Variants in VWA5B1 observed in about 807,000 individuals in gnomAD.
VWA5B1 encodes the protein von Willebrand factor A domain containing 5B1.
Under a neutral mutation model 118.2 loss-of-function variants are expected in VWA5B1, and 115 were observed. The observed-to-expected ratio is 0.97, with a 90% CI of 0.84 to 1.14. The LOEUF (loss-of-function observed/expected upper bound fraction) is 1.14, where lower values mean the gene tolerates loss of function less well. Ranked by LOEUF, VWA5B1 falls within the 50% of genes most tolerant of loss-of-function variation. The pLI is 0.00. For synonymous variants in VWA5B1, 682 were observed against 658.4 expected (o/e 1.04, Z -0.55); for missense variants, 1,596 against 1,603.8 (o/e 1.00, Z 0.08).
chr1:20,339,781 C>G (rs746674675), intron 14 of VWA5B1, among the ~76,000 whole-genome samples: 2 of 152,048 alleles, frequency 1.3e-5, no homozygotes, highest in Admixed American at 6.5e-5. Flanking sequence ...CCACTTGATG[C>G]AATCAGAAGG....
intron 4 of VWA5B1, among the ~76,000 whole-genome samples, chr1:20,316,705 T>C (rs2089020892): frequency 6.6e-6 from 1 of 151,664 alleles, no homozygotes; most frequent in African/African-American, 2.4e-5. Flanking sequence ...GCTCCTGGAG[T>C]CCTCAAAGCA....
chr1:20,314,568 G>C lies in VWA5B1; in HGVS notation c.539G>C (p.Gly180Ala). Residue 180 changes from glycine to alanine, a missense_variant, in exon 4 of 22, where the codon GGC (glycine) becomes GCC (alanine). By Grantham distance (60) the Gly-to-Ala change is moderately conservative (BLOSUM62 0). Transcript: ENST00000289815. Reference sequence around the variant, plus strand: ...CCCCAGTTCTGCACCAAGAGCACTGGCACCTCCAACCAACAGGCCCAGGGG... The same window carrying C: ...CCCCAGTTCTGCACCAAGAGCACTGCCACCTCCAACCAACAGGCCCAGGGG... ...TVPQFCTKST[G>A]TSNQQAQGKD... 6.4e-7 allele frequency: 1 copy of C among 1,551,586 alleles called. No individual in the cohort carries two copies. The highest frequency in any genetic ancestry group is 8.7e-7 in the Non-Finnish European group (1 of 1,147,006).
At chr1:20,327,777 G>T in intron 8 of VWA5B1, 113 bp from the exon 9 acceptor site, 1 of 902,820 alleles carries the variant, frequency 1.1e-6, no homozygotes, top group Non-Finnish European at 1.8e-6. Context: ...ACAGAGGAGG[G>T]TAAAGGTCTG....
intron 1 of VWA5B1, among the ~76,000 whole-genome samples, chr1:20,295,711 T>C (rs1278855490): frequency 1.3e-5 from 2 of 152,032 alleles, no homozygotes; most frequent in Non-Finnish European, 2.9e-5. Flanking sequence ...GGAGTGATGG[T>C]CCCAACCCAG....
intron 7 of VWA5B1, among the ~76,000 whole-genome samples, chr1:20,321,461 T>G (rs1273133657): frequency 6.6e-6 from 1 of 152,110 alleles, no homozygotes; most frequent in East Asian, 1.9e-4. Context: ...GGCGCATGCC[T>G]GTCATCCCAG....
intron 12 of VWA5B1, among the ~76,000 whole-genome samples, chr1:20,333,694 A>G (rs1358503229): frequency 6.6e-6 from 1 of 152,208 alleles, no homozygotes; most frequent in Non-Finnish European, 1.5e-5. Context: ...CTTTACGTGG[A>G]TGATTCCCTT....
rs949765215 is a variant in VWA5B1 at position 20,320,079 on chromosome 1, C to T, written c.966+573C>T. Among the ~76,000 whole-genome samples the T allele has an allele frequency of 2.0e-5, 3 of 152,202 alleles. No homozygotes were observed. The East Asian group carries it at 5.8e-4, about 29-fold the overall frequency. On this transcript the variant is annotated intron_variant, in intron 7 of 21. Coordinates refer to ENST00000289815, the MANE Select transcript of VWA5B1 (RefSeq NM_001039500.3). Reference sequence around the variant, plus strand: ...GGCTGAGCGTCAGCCACAAGTCACACCCCATGCTCTGCCTCCCGCTCATGG... The same window carrying T: ...GGCTGAGCGTCAGCCACAAGTCACATCCCATGCTCTGCCTCCCGCTCATGG...
intron 8 of VWA5B1, among the ~76,000 whole-genome samples, chr1:20,325,398 G>A (rs916904800): frequency 5.3e-5 from 8 of 152,248 alleles, no homozygotes; most frequent in African/African-American, 1.9e-4. Context: ...ATCAATTCAG[G>A]CAGAGTGAAC....
Position 20,354,210 on chromosome 1 carries a change from T to G in VWA5B1, c.3595T>G (p.Trp1199Gly). The G allele has an allele frequency of 6.4e-7, 1 of 1,550,466 alleles. No individual in the cohort carries two copies. The highest frequency in any genetic ancestry group is 8.7e-7 in the Non-Finnish European group (1 of 1,146,864). Reference sequence around the variant, plus strand: ...CCAGCTGTTTGTGCTTCTGCGGCACTGGGATGAGAATCTCGAGTTCAATAT... The same window carrying G: ...CCAGCTGTTTGTGCTTCTGCGGCACGGGGATGAGAATCTCGAGTTCAATAT... ...ARQLFVLLRHWDENLEFNMLC... is the reference protein window; with the variant it reads ...ARQLFVLLRHGDENLEFNMLC... Residue 1199 changes from tryptophan to glycine, a missense_variant, in exon 22 of 22, where the codon TGG (tryptophan) becomes GGG (glycine). Transcript: ENST00000289815.
At chr1:20,305,764 G>A (rs540579831) in intron 1 of VWA5B1, among the ~76,000 whole-genome samples, 2 of 152,056 alleles carry the variant, frequency 1.3e-5, no homozygotes, top group Non-Finnish European at 2.9e-5. Flanking sequence ...ACTTATGGTA[G>A]GCAGGGAGGG....
At chr1:20,312,785 T>A in intron 2 of VWA5B1, 51 bp from the exon 3 acceptor site, 2 of 1,498,168 alleles carry the variant, frequency 1.3e-6, no homozygotes, top group Admixed American at 4.2e-5. Flanking sequence ...AGGCAAGGGG[T>A]GTGCAGGGTA....
At chr1:20,347,493 G>A (rs969798456) in intron 17 of VWA5B1, among the ~76,000 whole-genome samples, 1 of 151,652 alleles carries the variant, frequency 6.6e-6, no homozygotes, top group Non-Finnish European at 1.5e-5. Context: ...AGGTTAGAGT[G>A]CAGTGACACA....
At chr1:20,351,403 C>G (rs772852886) in intron 20 of VWA5B1, among the ~76,000 whole-genome samples, 1 of 152,108 alleles carries the variant, frequency 6.6e-6, no homozygotes, top group African/African-American at 2.4e-5. Flanking sequence ...CCTGTAATCC[C>G]AGCACTTTGG....
At chr1:20,295,045 A>C (rs2088378767) in intron 1 of VWA5B1, among the ~76,000 whole-genome samples, 1 of 152,210 alleles carries the variant, frequency 6.6e-6, no homozygotes. Context: ...TTAGCTGAGC[A>C]AAGCTGGATC....
chr1:20,330,484 G>A (rs1167646464), intron 10 of VWA5B1, 102 bp downstream of exon 10: 1 of 1,349,798 alleles, frequency 7.4e-7, no homozygotes, highest in East Asian at 2.5e-5. Context: ...GAGAGGATAG[G>A]ACCCACAATT....
chr1:20,313,260 G>C (rs1410857508), intron 3 of VWA5B1, among the ~76,000 whole-genome samples: 1 of 152,220 alleles, frequency 6.6e-6, no homozygotes, highest in East Asian at 1.9e-4. Flanking sequence ...GCAACAAAAG[G>C]ATTTTAAAGG....
chr1:20,322,506 T>G (rs2089250618), intron 7 of VWA5B1, among the ~76,000 whole-genome samples: 1 of 152,242 alleles, frequency 6.6e-6, no homozygotes, highest in Non-Finnish European at 1.5e-5. Flanking sequence ...TAATCTTTAC[T>G]GATCCATCTC....
chr1:20,312,896 C>T lies in VWA5B1; in HGVS notation c.200C>T (p.Ala67Val), dbSNP rs1448408642. 6.4e-7 allele frequency: 1 copy of T among 1,551,646 alleles called. No individual in the cohort carries two copies. The highest frequency in any genetic ancestry group is 8.7e-7 in the Non-Finnish European group (1 of 1,146,974). Reference sequence around the variant, plus strand: ...GTGATCGGCTTTGAGGCAGTCATTGCCGACCGTGTCGTGACAGTACAGATC... The same window carrying T: ...GTGATCGGCTTTGAGGCAGTCATTGTCGACCGTGTCGTGACAGTACAGATC... ...TTVIGFEAVI[A>V]DRVVTVQIKD... is the part of the protein sequence containing the mutation. The change falls in exon 3 of 22, where the codon GCC becomes GTC. Residue 67 changes from alanine to valine, a missense_variant. Transcript: ENST00000289815.
At position 20,319,448 on chromosome 1, in the gene VWA5B1, T is replaced by C. The variant is rs749201838; in HGVS notation, c.908T>C (p.Leu303Ser). The change falls in exon 7 of 22, where the codon TTG becomes TCG. Residue 303 changes from leucine to serine, a missense_variant. By Grantham distance (145) the Leu-to-Ser change is moderately radical (BLOSUM62 -2). Coordinates refer to ENST00000289815, the MANE Select transcript of VWA5B1 (RefSeq NM_001039500.3). ...DMTLGEFDQH[L>S]KGRTDFIKGM... ...ACCCTGGGAGAGTTTGACCAGCACT[T>C]GAAGGGAAGAACAGATTTCATTAAA... 1.5e-5 allele frequency: 23 copies of C among 1,551,562 alleles called. No homozygotes were observed. In the East Asian group the frequency reaches 5.6e-4, roughly 38 times the overall value.
Sources: allele counts gnomAD v4.1 joint callset (sites outside exome capture counted in the v4.1 genomes callset), GRCh38; gene constraint gnomAD v4.1.1; transcripts MANE v1.5; gene names NCBI Gene and HGNC (gene_info 2026-07-23, HGNC 2026-07-21).